ACACB: variants seen among roughly 807,000 people sequenced by gnomAD.
The protein encoded by ACACB is acetyl-CoA carboxylase beta.
In ACACB, 209 loss-of-function variants were observed where a neutral mutation model predicts 278.8. That is an observed-to-expected ratio of 0.75 (90% CI 0.67 to 0.84). The LOEUF (loss-of-function observed/expected upper bound fraction) is 0.84. Ranked by LOEUF, ACACB falls within the 40% of genes least tolerant of loss-of-function variation. ACACB has a pLI of 0.00. For synonymous variants in ACACB, 1,174 were observed against 1,285.6 expected, an observed-to-expected ratio of 0.91 and a Z score of 1.86; for missense variants, 2,850 against 3,269.0, an observed-to-expected ratio of 0.87 and a Z score of 3.13.
intron 20 of ACACB, among the ~76,000 whole-genome samples, chr12:109,208,181 G>C (rs974305862): frequency 1.3e-5 from 2 of 151,460 alleles, no homozygotes; most frequent in Non-Finnish European, 2.9e-5. Context: ...TCGCCCCCAC[G>C]TTATGCTGCC....
intron 1 of ACACB, chr12:109,131,424 A>G (rs1165180917): frequency 6.6e-6 from 1 of 152,500 alleles, no homozygotes; most frequent in African/African-American, 2.4e-5. Flanking sequence ...ATCCCCAGTG[A>G]CGGTAAGTGG....
intron 19 of ACACB, among the ~76,000 whole-genome samples, chr12:109,205,880 C>T (rs992261829): frequency 6.6e-5 from 10 of 152,082 alleles, no homozygotes; most frequent in African/African-American, 9.7e-5. Context: ...CAGCACTGTG[C>T]GTCATGCACA....
chr12:109,184,999 C>A (rs141655203), intron 11 of ACACB, among the ~76,000 whole-genome samples: 7 of 152,290 alleles, frequency 4.6e-5, no homozygotes, highest in Non-Finnish European at 7.3e-5. Context: ...GGCATGGACA[C>A]TGGCATTTTT....
intron 37 of ACACB, among the ~76,000 whole-genome samples, chr12:109,245,395 A>G (rs2046912122): frequency 6.6e-6 from 1 of 152,206 alleles, no homozygotes; most frequent in Non-Finnish European, 1.5e-5. Flanking sequence ...CTTCAATCGC[A>G]TCTTTCTTCT....
At chr12:109,265,057 G>A in intron 50 of ACACB, 53 bp from the exon 51 acceptor site, 1 of 1,558,990 alleles carries the variant, frequency 6.4e-7, no homozygotes, top group Admixed American at 1.8e-5. Flanking sequence ...GTCAGAGCCA[G>A]TGTCCCGTCT....
chr12:109,215,027 C>T (rs957569811), intron 22 of ACACB, among the ~76,000 whole-genome samples: 3 of 151,066 alleles, frequency 2.0e-5, no homozygotes, highest in African/African-American at 7.3e-5. Context: ...GCCCGGGAGG[C>T]AGAGATTACA....
At chr12:109,186,737 T>C (rs2044676580) in intron 12 of ACACB, among the ~76,000 whole-genome samples, 1 of 152,138 alleles carries the variant, frequency 6.6e-6, no homozygotes, top group Non-Finnish European at 1.5e-5. Flanking sequence ...TGTATTCATT[T>C]AGGGTTCTTG....
intron 20 of ACACB, among the ~76,000 whole-genome samples, chr12:109,208,854 T>C (rs2045596788): frequency 6.6e-6 from 1 of 152,208 alleles, no homozygotes; most frequent in African/African-American, 2.4e-5. Context: ...TAGAACACTG[T>C]CTGGCACTAA....
chr12:109,258,930 T>G, intron 46 of ACACB, 43 bp from the exon 47 acceptor site: 2 of 1,609,150 alleles, frequency 1.2e-6, no homozygotes, highest in Non-Finnish European at 1.7e-6. Context: ...TCCTGGGTTG[T>G]GGTTGTGCAG....
At chr12:109,149,561 G>C (rs930161483) in intron 2 of ACACB, among the ~76,000 whole-genome samples, 1 of 152,154 alleles carries the variant, frequency 6.6e-6, no homozygotes, top group African/African-American at 2.4e-5. Flanking sequence ...CCCAGCCTGA[G>C]CAACAGAGCA....
chr12:109,182,443 C>G (rs2044510298), intron 11 of ACACB, among the ~76,000 whole-genome samples: 2 of 152,214 alleles, frequency 1.3e-5, no homozygotes, highest in Non-Finnish European at 2.9e-5. Flanking sequence ...TCATGGCTCA[C>G]TGCAGTCTTG....
chr12:109,174,744 C>G (rs983880896), intron 7 of ACACB, among the ~76,000 whole-genome samples: 9 of 151,844 alleles, frequency 5.9e-5, no homozygotes, highest in Non-Finnish European at 1.2e-4. Context: ...GTGGTGCATA[C>G]CTGTAGTCCC....
intron 19 of ACACB, among the ~76,000 whole-genome samples, chr12:109,206,291 G>A (rs985899655): frequency 6.6e-6 from 1 of 151,984 alleles, no homozygotes; most frequent in African/African-American, 2.4e-5. Context: ...AAAATTAGCT[G>A]GGCGTGGTGG....
intron 50 of ACACB, among the ~76,000 whole-genome samples, chr12:109,264,673 G>A (rs571185454): frequency 2.6e-5 from 4 of 152,158 alleles, no homozygotes; most frequent in East Asian, 3.9e-4. Context: ...CTGATGGCTC[G>A]GTCAGTTTGG....
At chr12:109,190,990 T>A (rs558326666) in intron 13 of ACACB, among the ~76,000 whole-genome samples, 9 of 152,204 alleles carry the variant, frequency 5.9e-5, no homozygotes, top group Admixed American at 4.6e-4. Flanking sequence ...ACTAATCACG[T>A]TCATTGTAGT....
At position 109,178,457 on chromosome 12, in the gene ACACB, G is replaced by A. The variant is rs1364372764; in HGVS notation, c.1438-631G>A. 2.6e-5 allele frequency among the ~76,000 whole-genome samples: 4 copies of A among 152,176 alleles called. 1 individual carries two copies. Among genetic ancestry groups the A allele is most frequent in the Admixed American group, 2.0e-4 (3 of 15,282 alleles). On this transcript the variant is annotated intron_variant, in intron 9 of 52. Transcript: ENST00000338432. ...ATTTTCATTCAAAGAAACTTTCTCT[G>A]TATGTGTTGCTATATGCATAGAAGA...
chr12:109,154,071 A>G (rs1470460751), intron 2 of ACACB, among the ~76,000 whole-genome samples: 3 of 152,268 alleles, frequency 2.0e-5, no homozygotes, highest in Non-Finnish European at 4.4e-5. Context: ...TTATAGGGAT[A>G]AAAACAATAA....
Position 109,222,883 on chromosome 12 carries a change from G to C in ACACB, c.3763G>C (p.Gly1255Arg). 6.2e-7 allele frequency: 1 copy of C among 1,613,126 alleles called. No individual in the cohort carries two copies. The highest frequency in any genetic ancestry group is 1.1e-5 in the South Asian group (1 of 90,902). The change falls in exon 26 of 53, where the codon GGC becomes CGC. Residue 1255 changes from glycine to arginine, a missense_variant. This residue lies in a region of ACACB where 2,265 missense variants were observed against 2,561.3 expected (regional missense o/e 0.88). Transcript: ENST00000338432. ...SIFLSAIDMYGHQFCPENLKK... is the reference protein window; with the variant it reads ...SIFLSAIDMYRHQFCPENLKK... ...TTTCCTGTCTGCCATTGACATGTAC[G>C]GCCACCAGTTCTGCCCCGAGAACCT...
chr12:109,190,047 G>A (rs1404534739), intron 13 of ACACB, among the ~76,000 whole-genome samples: 1 of 152,124 alleles, frequency 6.6e-6, no homozygotes, highest in Non-Finnish European at 1.5e-5. Flanking sequence ...GGAGATGGAG[G>A]TTGCAGTGAG....
Sources: allele counts gnomAD v4.1 joint callset (sites outside exome capture counted in the v4.1 genomes callset), GRCh38; gene constraint gnomAD v4.1.1; regional missense constraint gnomAD v4.1.1; transcripts MANE v1.5; gene names NCBI Gene and HGNC (gene_info 2026-07-23, HGNC 2026-07-21).